Variants in ALG14 observed in about 807,000 individuals in gnomAD.
The protein encoded by ALG14 is UDP-N-acetylglucosamine transferase subunit ALG14.
ALG14 carries 17 observed loss-of-function variants against 22.8 expected under a neutral mutation model. That is an observed-to-expected ratio of 0.75 (90% CI 0.51 to 1.12). The LOEUF (loss-of-function observed/expected upper bound fraction) is 1.12. Ranked by LOEUF, ALG14 falls within the 50% of genes most tolerant of loss-of-function variation. ALG14 has a pLI of 0.00. For missense variants in ALG14, 288 were observed against 271.8 expected, an observed-to-expected ratio of 1.06 and a Z score of -0.42; for synonymous variants, 89 against 103.7, an observed-to-expected ratio of 0.86 and a Z score of 0.86.
chr1:95,055,832 A>T, intron 2 of ALG14, among the ~76,000 whole-genome samples: 1 of 124,760 alleles, frequency 8.0e-6, no homozygotes, highest in African/African-American at 3.3e-5. Flanking sequence ...CTCTACTAAA[A>T]AAAAAAAAAA....
chr1:95,050,077 T>TAA (rs1674694450), intron 2 of ALG14, among the ~76,000 whole-genome samples: 2 of 152,194 alleles, frequency 1.3e-5, no homozygotes, highest in South Asian at 4.1e-4. Flanking sequence ...GGAGCAAGCC[T>TAA]GTGTTGAAAA....
intron 3 of ALG14, among the ~76,000 whole-genome samples, chr1:95,001,588 C>T (rs915141477): frequency 2.0e-5 from 3 of 152,152 alleles, no homozygotes; most frequent in Non-Finnish European, 4.4e-5. Context: ...CTCCGCCTCC[C>T]GGGCTCGAGC....
intron 2 of ALG14, among the ~76,000 whole-genome samples, chr1:95,057,235 A>T (rs1674966368): frequency 6.6e-6 from 1 of 151,460 alleles, no homozygotes; most frequent in African/African-American, 2.4e-5. Flanking sequence ...CTTCCAAGAA[A>T]TATATATATG....
At chr1:95,011,672 C>G (rs12058813) in intron 3 of ALG14, among the ~76,000 whole-genome samples, 3,106 of 152,158 alleles carry the variant, frequency 0.02, 114 homozygotes, top group African/African-American at 0.072. Flanking sequence ...ACCTCGGCCT[C>G]CCAAAGTGCT....
At chr1:95,040,332 T>C (rs1674340621) in intron 2 of ALG14, among the ~76,000 whole-genome samples, 1 of 152,200 alleles carries the variant, frequency 6.6e-6, no homozygotes, top group East Asian at 1.9e-4. Context: ...TACTCATATG[T>C]TGCTTCATGA....
At chr1:95,028,385 G>C (rs1243621738) in intron 2 of ALG14, among the ~76,000 whole-genome samples, 1 of 152,148 alleles carries the variant, frequency 6.6e-6, no homozygotes, top group Non-Finnish European at 1.5e-5. Flanking sequence ...TTTTTGTATA[G>C]ACAGGTTCTC....
At chr1:95,009,945 T>G (rs1673318972) in intron 3 of ALG14, among the ~76,000 whole-genome samples, 1 of 152,208 alleles carries the variant, frequency 6.6e-6, no homozygotes. Flanking sequence ...TAACATGATT[T>G]CAAAATTAAA....
chr1:95,066,509 C>T (rs2100844688), intron 1 of ALG14, among the ~76,000 whole-genome samples: 1 of 152,260 alleles, frequency 6.6e-6, no homozygotes, highest in South Asian at 2.1e-4. Flanking sequence ...AGGCGTGAGC[C>T]ACCATGCCAA....
intron 2 of ALG14, among the ~76,000 whole-genome samples, chr1:95,040,738 T>C (rs1490000048): frequency 1.3e-5 from 2 of 152,134 alleles, no homozygotes; most frequent in East Asian, 1.9e-4. Flanking sequence ...AAACCAAACA[T>C]TGGTGATTAG....
chr1:95,022,019 T>C (rs998644658), intron 3 of ALG14, among the ~76,000 whole-genome samples: 2 of 151,846 alleles, frequency 1.3e-5, no homozygotes, highest in South Asian at 2.1e-4. Flanking sequence ...AACTCAAGAG[T>C]GATGCAGGCA....
chr1:95,028,028 G>A (rs185202131), intron 2 of ALG14, among the ~76,000 whole-genome samples: 126 of 152,322 alleles, frequency 8.3e-4, no homozygotes, highest in African/African-American at 2.6e-3. Flanking sequence ...ATATGAACTC[G>A]TATGGAAGAT....
Position 95,045,165 on chromosome 1 carries a change from T to C in ALG14, c.289-17905A>G, listed in dbSNP as rs199612550. Among the ~76,000 whole-genome samples the C allele has an allele frequency of 5.3e-5, 8 of 152,358 alleles. No individual in the cohort carries two copies. The East Asian group carries it at 9.6e-4, about 18-fold the overall frequency. ...TTTTGCATATTTGGCTTGAATCTGA[T>C]ACTTTTCTGAACTTGTATTACTTGA... On this transcript the variant is annotated intron_variant, in intron 2 of 3. Coordinates refer to ENST00000370205, the MANE Select transcript of ALG14 (RefSeq NM_144988.4).
chr1:94,992,862 G>GT lies in ALG14; in HGVS notation c.421-9557_421-9556insA, dbSNP rs528250865. Among the ~76,000 whole-genome samples the GT allele has an allele frequency of 3.2e-3, 490 of 152,124 alleles. 1 individual carries two copies. The highest frequency in any genetic ancestry group is 0.011 in the African/African-American group (471 of 41,486). On this transcript the variant is annotated intron_variant, in intron 3 of 3. Transcript: ENST00000370205. ...GGGGAGATTAAATAAGATAACACAT[G>GT]AAAGCATTTAACACAGTGCTTGCTC...
intron 3 of ALG14, among the ~76,000 whole-genome samples, chr1:95,015,213 AGAT>A (rs1469682275): frequency 2.0e-5 from 3 of 152,264 alleles, no homozygotes; most frequent in African/African-American, 7.2e-5. Flanking sequence ...TAACCGAGAG[AGAT>A]GGAGATCTGC....
rs184682151 is a variant in ALG14 at position 94,976,188 on chromosome 1, C to T, written c.*6888G>A. 22 of 151,916 alleles carry T rather than the reference C, an allele frequency of 1.4e-4. No individual in the cohort carries two copies. The highest frequency in any genetic ancestry group is 2.8e-4 in the Non-Finnish European group (19 of 68,020). The allele number at this position is 151,916 out of a possible 1,614,324, so 9.4% of individuals were successfully genotyped here. On this transcript the variant is annotated 3_prime_UTR_variant, in exon 4 of 4. Coordinates refer to ENST00000370205, the MANE Select transcript of ALG14 (RefSeq NM_144988.4). ...TGTTTAGTGCTCCCTACAACTCTAA[C>T]GCAGGTACATTATGCTTATTTTACA...
intron 3 of ALG14, among the ~76,000 whole-genome samples, chr1:94,995,060 T>G (rs1218893980): frequency 1.3e-5 from 2 of 152,246 alleles, no homozygotes; most frequent in Non-Finnish European, 2.9e-5. Flanking sequence ...ATTTTTCCTG[T>G]GACACTTCCT....
chr1:95,027,018 C>T (rs990275639), intron 3 of ALG14, 111 bp downstream of exon 3: 1 of 1,364,944 alleles, frequency 7.3e-7, no homozygotes, highest in Non-Finnish European at 1.0e-6. Context: ...GTCTTGCATA[C>T]TACCTGGCAC....
intron 2 of ALG14, among the ~76,000 whole-genome samples, chr1:95,052,921 G>A (rs1006090486): frequency 6.7e-6 from 1 of 149,876 alleles, no homozygotes; most frequent in Non-Finnish European, 1.5e-5. Context: ...CAAATGAAAG[G>A]AGAAGCGGGG....
Position 94,977,212 on chromosome 1 carries a change from C to A in ALG14, c.*5864G>T, listed in dbSNP as rs1672414770. On this transcript the variant is annotated 3_prime_UTR_variant, in exon 4 of 4. Coordinates refer to ENST00000370205, the MANE Select transcript of ALG14 (RefSeq NM_144988.4). ...AAGAGGAGATAGGCCGGGCGCAGTGCCGCATGCCTGTGATTCCAGCACTTT... is the reference window on the plus strand; with the variant it reads ...AAGAGGAGATAGGCCGGGCGCAGTGACGCATGCCTGTGATTCCAGCACTTT... 1 of 152,158 alleles carries A rather than the reference C, an allele frequency of 6.6e-6. No individual in the cohort carries two copies. The highest frequency in any genetic ancestry group is 6.5e-5 in the Admixed American group (1 of 15,282). 9.4% of individuals were successfully genotyped at this position (152,158 alleles called of 1,614,324 possible).
Sources: allele counts gnomAD v4.1 joint callset (sites outside exome capture counted in the v4.1 genomes callset), GRCh38; gene constraint gnomAD v4.1.1; transcripts MANE v1.5; gene names NCBI Gene and HGNC (gene_info 2026-07-23, HGNC 2026-07-21).